Variants in FSTL1 observed in about 807,000 individuals in gnomAD.
FSTL1 encodes the protein follistatin like 1.
Under a neutral mutation model 45.9 loss-of-function variants are expected in FSTL1, and 24 were observed. That is an observed-to-expected ratio of 0.52 (90% CI 0.38 to 0.74). The LOEUF is 0.74. Ranked by LOEUF, FSTL1 falls within the 30% of genes least tolerant of loss-of-function variation. The pLI is 0.00. For missense variants in FSTL1, 340 were observed against 381.8 expected (o/e 0.89, Z 0.91); for synonymous variants, 120 against 137.6 (o/e 0.87, Z 0.89).
At chr3:120,424,578 C>T (rs771070707) in intron 2 of FSTL1, among the ~76,000 whole-genome samples, 5 of 152,000 alleles carry the variant, frequency 3.3e-5, no homozygotes, top group African/African-American at 7.2e-5. Flanking sequence ...ATGGGTAAGG[C>T]GGAATTGGGG....
intron 2 of FSTL1, among the ~76,000 whole-genome samples, chr3:120,431,548 T>C (rs1429316750): frequency 6.6e-6 from 1 of 152,018 alleles, no homozygotes; most frequent in Non-Finnish European, 1.5e-5. Context: ...TATGGCTGGA[T>C]GCGGTGGCTC....
chr3:120,444,408 CTA>C (rs1473571982), intron 2 of FSTL1, among the ~76,000 whole-genome samples: 1 of 149,554 alleles, frequency 6.7e-6, no homozygotes, highest in Admixed American at 6.6e-5. Context: ...GGAAAGAATT[CTA>C]TGATTGATTA....
chr3:120,396,377 CATT>C lies in FSTL1; in HGVS notation c.*572_*574del, dbSNP rs1295683066. ...GCTCAAAGTATACAAGTATCTGCAT[CATT>C]TGGGTGTACCCTCCCAGAAACTCCA... On this transcript the variant is annotated 3_prime_UTR_variant, in exon 11 of 11. Transcript: ENST00000295633. 5 of 153,362 alleles carry C rather than the reference CATT, an allele frequency of 3.3e-5. No homozygotes were observed. The highest frequency in any genetic ancestry group is 7.3e-5 in the Non-Finnish European group (5 of 68,606). 9.5% of individuals were successfully genotyped at this position (153,362 alleles called of 1,614,324 possible).
intron 2 of FSTL1, among the ~76,000 whole-genome samples, chr3:120,441,669 C>G (rs1418639572): frequency 1.3e-5 from 2 of 152,100 alleles, no homozygotes; most frequent in East Asian, 3.9e-4. Context: ...TGTGTACACA[C>G]ATGTACACAC....
At position 120,392,372 on chromosome 3, in the gene FSTL1, T is replaced by C. The variant is rs1193605513; in HGVS notation, c.*4580A>G. On this transcript the variant is annotated 3_prime_UTR_variant, in exon 11 of 11. Transcript: ENST00000295633. ...AAACAAGGAGTTACCATTTTTCCTCTATCAGAGGCCAAAAAGTTCGAAGGC... is the reference window on the plus strand; with the variant it reads ...AAACAAGGAGTTACCATTTTTCCTCCATCAGAGGCCAAAAAGTTCGAAGGC... 6.6e-6 allele frequency: 1 copy of C among 152,216 alleles called. No homozygotes were observed. The highest frequency in any genetic ancestry group is 2.4e-5 in the African/African-American group (1 of 41,452). 9.4% of individuals were successfully genotyped at this position (152,216 alleles called of 1,614,324 possible). A position where few individuals can be genotyped will look rare whatever the true frequency, so the allele number is the denominator to read the frequency against.
In FSTL1 at chr3:120,396,782, A is replaced by G. The variant is rs1936710036; in HGVS notation, c.*170T>C. 2 of 622,780 alleles carry G rather than the reference A, an allele frequency of 3.2e-6. No individual in the cohort carries two copies. The highest frequency in any genetic ancestry group is 2.9e-6 in the Non-Finnish European group (1 of 349,104). 38.6% of individuals were successfully genotyped at this position (622,780 alleles called of 1,614,324 possible). A position where few individuals can be genotyped will look rare whatever the true frequency, so the allele number is the denominator to read the frequency against. ...TGAAGGCTGTGGCCCTTCCCTTCCT[A>G]GCCAGCCACCTTCATATCCTTTATT... On this transcript the variant is annotated 3_prime_UTR_variant, in exon 11 of 11. Transcript: ENST00000295633.
chr3:120,399,955 C>A lies in FSTL1; in HGVS notation c.810G>T (p.Lys270Asn). The change falls in exon 10 of 11, where the codon AAG becomes AAT. Residue 270 changes from lysine (K) to asparagine (N), a missense_variant. By Grantham distance (94) the Lys-to-Asn change is moderately conservative (BLOSUM62 0). Transcript: ENST00000295633. ...TCTGGGTCTGGGCCCCCTTCTGATT[C>A]TTTCCTGCAAGAAGAACCAAAGCTC... ...WVCTAMTCDG[K>N]NQKGAQTQTE... 2.5e-6 allele frequency: 4 copies of A among 1,605,028 alleles called. No individual in the cohort carries two copies. The highest frequency in any genetic ancestry group is 2.6e-6 in the Non-Finnish European group (3 of 1,174,768).
Position 120,450,765 on chromosome 3 carries a change from A to G in FSTL1, c.1-19T>C. 1.9e-6 allele frequency: 3 copies of G among 1,563,286 alleles called. No individual in the cohort carries two copies. The highest frequency in any genetic ancestry group is 2.3e-5 in the South Asian group (2 of 86,816). ...TCCACATCTGCGGAAGAGAGAAGAGAGCGAGTCTGAAGGCGCCGGGCCCCG... is the reference window on the plus strand; with the variant it reads ...TCCACATCTGCGGAAGAGAGAAGAGGGCGAGTCTGAAGGCGCCGGGCCCCG... On this transcript the variant is annotated intron_variant, in intron 1 of 10. Coordinates refer to ENST00000295633, the MANE Select transcript of FSTL1 (RefSeq NM_007085.5).
Position 120,392,645 on chromosome 3 carries a change from C to G in FSTL1, c.*4307G>C, listed in dbSNP as rs1936615967. 6.6e-6 allele frequency: 1 copy of G among 152,196 alleles called. No homozygotes were observed. 9.4% of individuals were successfully genotyped at this position (152,196 alleles called of 1,614,324 possible). ...TTAGGAAAACATTAATTCTCATTGACAGGAAGACCCTCCTTCCTATTCATA... is the reference window on the plus strand; with the variant it reads ...TTAGGAAAACATTAATTCTCATTGAGAGGAAGACCCTCCTTCCTATTCATA... On this transcript the variant is annotated 3_prime_UTR_variant, in exon 11 of 11. Coordinates refer to ENST00000295633, the MANE Select transcript of FSTL1 (RefSeq NM_007085.5).
intron 2 of FSTL1, chr3:120,423,532 G>A (rs1937319906): frequency 2.0e-5 from 3 of 152,158 alleles, no homozygotes; most frequent in Admixed American, 2.0e-4. Flanking sequence ...TGTTTGCACT[G>A]AGGAGACTGT....
chr3:120,418,854 A>G (rs1048547057), intron 2 of FSTL1, among the ~76,000 whole-genome samples: 1 of 152,158 alleles, frequency 6.6e-6, no homozygotes, highest in African/African-American at 2.4e-5. Flanking sequence ...GGCTATTACT[A>G]CAGTGGGCAA....
intron 2 of FSTL1, among the ~76,000 whole-genome samples, chr3:120,418,645 C>T (rs1576217604): frequency 6.6e-6 from 1 of 152,172 alleles, no homozygotes; most frequent in South Asian, 2.1e-4. Flanking sequence ...GGAGAATGTG[C>T]GTTAAGAGTG....
At chr3:120,424,552 T>A (rs992347779) in intron 2 of FSTL1, among the ~76,000 whole-genome samples, 10 of 151,994 alleles carry the variant, frequency 6.6e-5, no homozygotes, top group African/African-American at 2.4e-4. Flanking sequence ...ATTTGAACAG[T>A]GGCACATGGC....
chr3:120,423,159 CT>C (rs1937314101), intron 2 of FSTL1: 1 of 152,050 alleles, frequency 6.6e-6, no homozygotes, highest in East Asian at 1.9e-4. Flanking sequence ...CCACCATTTT[CT>C]TTATTATTTT....
At chr3:120,421,140 CT>C (rs1317298974) in intron 2 of FSTL1, 1 of 152,120 alleles carries the variant, frequency 6.6e-6, no homozygotes, top group African/African-American at 2.4e-5. Context: ...GAACAGTGTG[CT>C]TTGGCAGGAA....
rs189911609 is a variant in FSTL1 at position 120,433,096 on chromosome 3, G to T, written c.64-17069C>A. On this transcript the variant is annotated intron_variant, in intron 2 of 10. Transcript: ENST00000295633. ...AAGGTGACTAGTGACTATGGGCAAA[G>T]AATTACCAACAACAGAATTTAATGC... is the stretch of plus-strand genomic sequence containing the variant. 2.9e-3 allele frequency among the ~76,000 whole-genome samples: 445 copies of T among 152,348 alleles called. 2 individuals carry two copies. Among genetic ancestry groups the T allele is most frequent in the African/African-American group, 1.0e-2 (414 of 41,586 alleles).
At chr3:120,434,599 A>G (rs1203212868) in intron 2 of FSTL1, among the ~76,000 whole-genome samples, 1 of 152,192 alleles carries the variant, frequency 6.6e-6, no homozygotes, top group Non-Finnish European at 1.5e-5. Context: ...ACTTCCTTCT[A>G]GAGTCATAAA....
chr3:120,443,413 C>A (rs1197645097), intron 2 of FSTL1, among the ~76,000 whole-genome samples: 1 of 149,862 alleles, frequency 6.7e-6, no homozygotes, highest in Non-Finnish European at 1.5e-5. Flanking sequence ...AGCTTATGTG[C>A]AAACTGACTA....
In FSTL1 at chr3:120,411,940, TTGCCATTAC is replaced by T. The variant is rs1468526576; in HGVS notation, c.203_211del (p.Ser68_Gly70del). ...CAGTTCACAGTGGTTGAGGTAGGTC[TTGCCATTAC>T]TGCCACACACAGGCCTCTTGTGAGG... On this transcript the variant is annotated inframe_deletion, in exon 4 of 11. Coordinates refer to ENST00000295633, the MANE Select transcript of FSTL1 (RefSeq NM_007085.5). 6.2e-7 allele frequency: 1 copy of T among 1,613,384 alleles called. No homozygotes were observed. Among genetic ancestry groups the T allele is most frequent in the Non-Finnish European group, 8.5e-7 (1 of 1,179,264 alleles).
Sources: gnomAD v4.1 joint callset for allele counts (sites outside exome capture counted in the v4.1 genomes callset) on GRCh38, gnomAD v4.1.1 for gene constraint, MANE v1.5 for transcripts, NCBI Gene and HGNC (gene_info 2026-07-23, HGNC 2026-07-21) for gene names.